GCM1: variants seen among roughly 807,000 people sequenced by gnomAD.
The protein encoded by GCM1 is chorion-specific transcription factor GCMa.
A neutral mutation model predicts 25.7 loss-of-function variants in GCM1; 2 were observed. The observed-to-expected ratio is 0.08, with a 90% confidence interval of 0.03 to 0.24. The LOEUF is 0.24. Among genes scored for constraint, GCM1 ranks in the 10% least tolerant of loss-of-function variants. GCM1 has a pLI of 1.00. For missense variants in GCM1, 395 were observed against 538.7 expected (o/e 0.73, Z 2.64); for synonymous variants, 183 against 195.7 (o/e 0.94, Z 0.54).
intron 4 of GCM1, among the ~76,000 whole-genome samples, chr6:53,131,768 C>T (rs1763730554): frequency 6.6e-6 from 1 of 152,192 alleles, no homozygotes; most frequent in Admixed American, 6.5e-5. Flanking sequence ...CTGTGCTAAC[C>T]TCAGTGTGAC....
At chr6:53,143,237 T>C (rs1325923388) in intron 2 of GCM1, among the ~76,000 whole-genome samples, 1 of 152,252 alleles carries the variant, frequency 6.6e-6, no homozygotes, top group African/African-American at 2.4e-5. Context: ...TAAAACCAAA[T>C]GTGCATTTTT....
chr6:53,134,957 T>C (rs1763778086), intron 2 of GCM1, among the ~76,000 whole-genome samples: 1 of 152,182 alleles, frequency 6.6e-6, no homozygotes, highest in African/African-American at 2.4e-5. Context: ...TTCAGAGAGA[T>C]CAAAGAGCCA....
At chr6:53,133,361 T>TGTGTG (rs1332085122) in intron 3 of GCM1, among the ~76,000 whole-genome samples, 1 of 103,792 alleles carries the variant, frequency 9.6e-6, no homozygotes, top group Non-Finnish European at 2.1e-5. Flanking sequence ...GTGTGTGTGT[T>TGTGTG]TGTGTGTTTT....
intron 2 of GCM1, among the ~76,000 whole-genome samples, chr6:53,138,166 C>T (rs1026951415): frequency 6.6e-6 from 1 of 151,362 alleles, no homozygotes; most frequent in African/African-American, 2.4e-5. Flanking sequence ...CCTGTTATCC[C>T]AGTTACTCAG....
At chr6:53,141,484 G>A (rs536713199) in intron 2 of GCM1, among the ~76,000 whole-genome samples, 8 of 151,866 alleles carry the variant, frequency 5.3e-5, no homozygotes, top group African/African-American at 1.9e-4. Context: ...TCGGGAGATC[G>A]AGACCATCCT....
At chr6:53,146,344 C>A (rs1763958438) in intron 1 of GCM1, among the ~76,000 whole-genome samples, 1 of 151,442 alleles carries the variant, frequency 6.6e-6, no homozygotes, top group African/African-American at 2.4e-5. Flanking sequence ...CTCAGCCTCC[C>A]CAGTAGCTGG....
At chr6:53,143,789 A>C (rs1483087084) in intron 2 of GCM1, among the ~76,000 whole-genome samples, 2 of 151,198 alleles carry the variant, frequency 1.3e-5, no homozygotes, top group African/African-American at 2.4e-5. Flanking sequence ...GCTCTGTCCC[A>C]AGATCTACGA....
chr6:53,140,052 G>C (rs1763852747), intron 2 of GCM1, among the ~76,000 whole-genome samples: 1 of 152,096 alleles, frequency 6.6e-6, no homozygotes. Context: ...GCTCCTATCT[G>C]TATCACACCA....
In GCM1 at chr6:53,134,158, A is replaced by G; in HGVS notation, c.242T>C (p.Val81Ala). The change falls in exon 3 of 6, where the codon GTG (valine) becomes GCG (alanine). Residue 81 changes from valine to alanine, a missense_variant. By Grantham distance (64) the Val-to-Ala change is moderately conservative. This residue lies in a region of GCM1 where 21 missense variants were observed against 22.9 expected (regional missense o/e 0.92). Transcript: ENST00000259803. The part of the protein sequence containing the change: ...ILKKSCLGVV[V>A]CGRDCLAEEG... ...CTCTGCGAGACAGTCGCGGCCGCAC[A>G]CCACCACACCCAGGCAGGACTTCTT... The G allele has an allele frequency of 6.2e-7, 1 of 1,614,066 alleles. No homozygotes were observed. Among genetic ancestry groups the G allele is most frequent in the Non-Finnish European group, 8.5e-7 (1 of 1,179,998 alleles).
rs1232655678 is a variant in GCM1 at position 53,145,593 on chromosome 6, A to T, written c.40T>A (p.Leu14Ile). The T allele has an allele frequency of 1.9e-6, 3 of 1,601,142 alleles. No homozygotes were observed. The highest frequency in any genetic ancestry group is 4.5e-5 in the East Asian group (2 of 44,824). Residue 14 changes from leucine (L) to isoleucine (I), a missense_variant, in exon 2 of 6, where the codon TTA becomes ATA. By Grantham distance (5) the Leu-to-Ile change is conservative. Around this residue, in one of 5 missense-constraint regions of GCM1, gnomAD observed 44 missense variants for 60.8 expected, o/e 0.72. Transcript: ENST00000259803. ...TTCACATCATTAATATCCCAGCTTA[A>T]TATCTCTTTGTCTTCAGAATCAAAG... is the stretch of plus-strand genomic sequence containing the variant. ...DDFDSEDKEI[L>I]SWDINDVKLP... is the part of the protein sequence containing the mutation.
intron 2 of GCM1, among the ~76,000 whole-genome samples, chr6:53,137,588 G>A (rs1210049090): frequency 3.9e-5 from 6 of 151,976 alleles, no homozygotes; most frequent in Non-Finnish European, 7.4e-5. Context: ...AGGAGTTCAA[G>A]ACCAGCCTGG....
chr6:53,145,344 C>G lies in GCM1; in HGVS notation c.75+214G>C, dbSNP rs76530901. 5.3e-5 allele frequency among the ~76,000 whole-genome samples: 8 copies of G among 152,182 alleles called. No individual in the cohort carries two copies. In the East Asian group the frequency reaches 5.8e-4, roughly 11 times the overall value. On this transcript the variant is annotated intron_variant, in intron 2 of 5. Transcript: ENST00000259803. ...AGTAGAAATTTCTTTGCATCAGTCT[C>G]TAAGTGTGGGAGTCTGGTAAGTAAA...
At chr6:53,134,426 G>A in intron 2 of GCM1, 102 bp from the exon 3 acceptor site, 1 of 1,155,776 alleles carries the variant, frequency 8.7e-7, no homozygotes, top group Non-Finnish European at 1.3e-6. Context: ...GCATTCAGGA[G>A]CTGGGCAAGA....
At chr6:53,132,695 G>A (rs1763742638) in intron 3 of GCM1, among the ~76,000 whole-genome samples, 1 of 152,208 alleles carries the variant, frequency 6.6e-6, no homozygotes, top group Admixed American at 6.5e-5. Flanking sequence ...TTGGGTGACA[G>A]AGTGAAAGTC....
chr6:53,128,296 G>T lies in GCM1; in HGVS notation c.1221C>A (p.Ser407Arg). The T allele has an allele frequency of 6.2e-7, 1 of 1,613,800 alleles. No homozygotes were observed. The highest frequency in any genetic ancestry group is 8.5e-7 in the Non-Finnish European group (1 of 1,179,808). The change falls in exon 6 of 6, where the codon AGC becomes AGA. Residue 407 changes from serine to arginine, a missense_variant. Physicochemically the swap from Ser to Arg is moderately radical, Grantham distance 110. This residue lies in a region of GCM1 where 291 missense variants were observed against 314.6 expected (regional missense o/e 0.92). Transcript: ENST00000259803. ...TTTCTTCCTCAAAATCCCATTTGCT[G>T]CTCTTGCTTGGCAGTGAATATTGCT... is the stretch of plus-strand genomic sequence containing the variant. Reference protein sequence around the residue: ...PHQQYSLPSKSSKWDFEEEMT... With the variant: ...PHQQYSLPSKRSKWDFEEEMT...
chr6:53,145,520 C>A (rs763169652), intron 2 of GCM1, 38 bp downstream of exon 2: 2 of 1,040,422 alleles, frequency 1.9e-6, no homozygotes, highest in South Asian at 1.3e-5. Context: ...GACTTCACAG[C>A]CCAATGTTGA....
intron 1 of GCM1, among the ~76,000 whole-genome samples, chr6:53,146,595 GAT>G (rs1430164339): frequency 6.6e-6 from 1 of 152,190 alleles, no homozygotes; most frequent in Non-Finnish European, 1.5e-5. Flanking sequence ...CTGTGCGCAC[GAT>G]ATATCTTCAA....
chr6:53,148,561 T>A (rs6920396), intron 1 of GCM1, among the ~76,000 whole-genome samples, 193 bp downstream of exon 1: 18,909 of 152,254 alleles, frequency 0.12, 1,217 homozygotes, highest in Non-Finnish European at 0.14. Flanking sequence ...AAGTAAACTC[T>A]GTTTTCCTCT....
chr6:53,142,010 A>G (rs1763880147), intron 2 of GCM1, among the ~76,000 whole-genome samples: 1 of 89,998 alleles, frequency 1.1e-5, no homozygotes, highest in Non-Finnish European at 2.0e-5. Context: ...GAAAAAAAAA[A>G]AAAAAAAAAA....
Sources: gnomAD v4.1 joint callset for allele counts (sites outside exome capture counted in the v4.1 genomes callset) on GRCh38, gnomAD v4.1.1 for gene constraint, gnomAD v4.1.1 regional missense constraint, MANE v1.5 for transcripts, NCBI Gene and HGNC (gene_info 2026-07-23, HGNC 2026-07-21) for gene names.